COL21A1: variants seen among roughly 807,000 people sequenced by gnomAD.
COL21A1 encodes the protein collagen type XXI alpha 1 chain.
A neutral mutation model predicts 137.9 loss-of-function variants in COL21A1; 149 were observed. That is an observed-to-expected ratio of 1.08 (90% CI 0.95 to 1.24). The LOEUF (loss-of-function observed/expected upper bound fraction) is 1.24. Among genes scored for constraint, COL21A1 ranks in the 50% most tolerant of loss-of-function variants. COL21A1 has a pLI of 0.00. For synonymous variants in COL21A1, 456 were observed against 391.5 expected (o/e 1.16, Z -1.95); for missense variants, 1,167 against 1,158.4 (o/e 1.01, Z -0.11).
rs543229413 is a variant in COL21A1 at position 56,205,429 on chromosome 6, T to C, written c.-38-22773A>G. On this transcript the variant is annotated intron_variant, in intron 1 of 29. Coordinates refer to ENST00000244728, the MANE Select transcript of COL21A1 (RefSeq NM_030820.4). ...ATGAAATAAAGCGAGAAGACAAGATTAGAGAAAAAAGAGTGAAAAGAGATG... is the reference window on the plus strand; with the variant it reads ...ATGAAATAAAGCGAGAAGACAAGATCAGAGAAAAAAGAGTGAAAAGAGATG... Among the ~76,000 whole-genome samples, 28 of 151,878 alleles carry C rather than the reference T, an allele frequency of 1.8e-4. No homozygotes were observed. The South Asian group carries it at 5.4e-3, about 29-fold the overall frequency.
At chr6:56,298,265 C>CA (rs1457225057) in intron 1 of COL21A1, among the ~76,000 whole-genome samples, 3 of 151,848 alleles carry the variant, frequency 2.0e-5, no homozygotes, top group African/African-American at 7.3e-5. Flanking sequence ...GTTTGCAGAA[C>CA]AAAAAACAAT....
intron 1 of COL21A1, among the ~76,000 whole-genome samples, chr6:56,185,270 C>G (rs988517879): frequency 2.0e-5 from 3 of 151,712 alleles, no homozygotes; most frequent in Non-Finnish European, 4.4e-5. Flanking sequence ...AAAGTTAATT[C>G]TTTGGACAAA....
At chr6:56,091,672 T>C (rs1582308170) in intron 17 of COL21A1, 2 of 152,478 alleles carry the variant, frequency 1.3e-5, no homozygotes, top group East Asian at 3.9e-4. Flanking sequence ...TGATTTAGAT[T>C]GCCTGATGAA....
chr6:56,265,549 T>C (rs553730676), intron 1 of COL21A1, among the ~76,000 whole-genome samples: 4 of 151,964 alleles, frequency 2.6e-5, no homozygotes, highest in Admixed American at 2.6e-4. Flanking sequence ...TAAAGTCTAT[T>C]TCAAAAACAC....
intron 10 of COL21A1, among the ~76,000 whole-genome samples, chr6:56,149,716 G>A (rs539114741): frequency 6.6e-6 from 1 of 152,162 alleles, no homozygotes; most frequent in South Asian, 2.1e-4. Context: ...AGATCAGCAA[G>A]TCCTGTTAGC....
intron 1 of COL21A1, among the ~76,000 whole-genome samples, chr6:56,311,102 A>G (rs578122671): frequency 6.6e-6 from 1 of 152,360 alleles, no homozygotes; most frequent in East Asian, 1.9e-4. Flanking sequence ...TTCCATAAAC[A>G]GAAAACTTTC....
At chr6:56,271,325 TG>T (rs1202813292) in intron 1 of COL21A1, among the ~76,000 whole-genome samples, 6 of 152,202 alleles carry the variant, frequency 3.9e-5, no homozygotes, top group African/African-American at 1.4e-4. Context: ...AGAGGGTATC[TG>T]GCAAAGAAAT....
intron 1 of COL21A1, among the ~76,000 whole-genome samples, chr6:56,333,736 A>G (rs1765280862): frequency 6.6e-6 from 1 of 152,108 alleles, no homozygotes; most frequent in African/African-American, 2.4e-5. Flanking sequence ...TCCGAACAGT[A>G]GCATATGAGA....
At chr6:56,154,133 A>C (rs1775549226) in intron 10 of COL21A1, among the ~76,000 whole-genome samples, 1 of 152,110 alleles carries the variant, frequency 6.6e-6, no homozygotes, top group Non-Finnish European at 1.5e-5. Flanking sequence ...GGAGTGGGTT[A>C]GTTACCAAGG....
chr6:56,300,465 A>G lies in COL21A1; in HGVS notation c.-39+93506T>C, dbSNP rs184455378. Among the ~76,000 whole-genome samples, 15 of 152,200 alleles carry G rather than the reference A, an allele frequency of 9.9e-5. No individual in the cohort carries two copies. The East Asian group carries it at 2.9e-3, about 29-fold the overall frequency. On this transcript the variant is annotated intron_variant, in intron 1 of 28. Transcript: ENST00000370819. The stretch of plus-strand genomic sequence containing the variant: ...TTAAATTAGACATTTTTTGTCCTGG[A>G]ATGTCTTCTAAAAAACTGGGTAAAT...
intron 17 of COL21A1, among the ~76,000 whole-genome samples, chr6:56,100,236 T>A: frequency 6.6e-6 from 1 of 152,202 alleles, no homozygotes; most frequent in East Asian, 1.9e-4. Context: ...CTCTTTCCTG[T>A]CTTCCTTTGA....
intron 17 of COL21A1, among the ~76,000 whole-genome samples, chr6:56,098,490 A>T (rs1474706382): frequency 4.6e-5 from 1 of 21,752 alleles, no homozygotes; most frequent in Non-Finnish European, 7.6e-5. Flanking sequence ...TACATATATA[A>T]ATATATAGAT....
intron 1 of COL21A1, among the ~76,000 whole-genome samples, chr6:56,246,584 TTAAG>T (rs536930035): frequency 4.1e-4 from 63 of 152,220 alleles, no homozygotes; most frequent in African/African-American, 1.5e-3. Context: ...TCTTCTCTGA[TTAAG>T]TAAGGTCCAA....
intron 1 of COL21A1, among the ~76,000 whole-genome samples, chr6:56,266,999 G>T (rs1480435706): frequency 6.6e-6 from 1 of 152,070 alleles, no homozygotes; most frequent in Non-Finnish European, 1.5e-5. Flanking sequence ...CTTGACTTTA[G>T]CCTAAGGAAG....
chr6:56,146,234 C>T (rs6459126), intron 10 of COL21A1, among the ~76,000 whole-genome samples: 4,026 of 152,086 alleles, frequency 0.026, 105 homozygotes, highest in Middle Eastern at 0.068. Flanking sequence ...AAGTTTATTC[C>T]ATTAAATAAT....
intron 1 of COL21A1, among the ~76,000 whole-genome samples, chr6:56,238,998 C>A (rs1782090242): frequency 2.0e-5 from 3 of 152,106 alleles, no homozygotes. Flanking sequence ...TGACACATAG[C>A]AAATTAAGCT....
chr6:56,304,712 T>A (rs1429641665), intron 1 of COL21A1, among the ~76,000 whole-genome samples: 3 of 151,880 alleles, frequency 2.0e-5, no homozygotes, highest in Non-Finnish European at 1.5e-5. Context: ...TTTTGAAGGG[T>A]TTTTTGTGTC....
chr6:56,283,192 A>G (rs1421131994), intron 1 of COL21A1, among the ~76,000 whole-genome samples: 2 of 152,124 alleles, frequency 1.3e-5, no homozygotes, highest in Non-Finnish European at 2.9e-5. Flanking sequence ...AGACTTGCAT[A>G]AAGATTTATG....
intron 1 of COL21A1, among the ~76,000 whole-genome samples, chr6:56,270,444 C>T (rs1194019269): frequency 1.3e-5 from 2 of 152,174 alleles, no homozygotes; most frequent in Non-Finnish European, 2.9e-5. Context: ...GATGAAAAGG[C>T]TTAGACAGCC....
Sources: gnomAD v4.1 joint callset for allele counts (sites outside exome capture counted in the v4.1 genomes callset) on GRCh38, gnomAD v4.1.1 for gene constraint, MANE v1.5 for transcripts, NCBI Gene and HGNC (gene_info 2026-07-23, HGNC 2026-07-21) for gene names.